Variants in DNAJB12 observed in about 807,000 individuals in gnomAD.
The protein encoded by DNAJB12 is DnaJ heat shock protein family (Hsp40) member B12.
In DNAJB12, 14 loss-of-function variants were observed where a neutral mutation model predicts 40.6. The observed-to-expected ratio is 0.34, with a 90% CI of 0.23 to 0.54. DNAJB12 has a LOEUF of 0.54. Among genes scored for constraint, DNAJB12 ranks in the 20% least tolerant of loss-of-function variants. The pLI is 0.92. For synonymous variants in DNAJB12, 181 were observed against 199.5 expected (o/e 0.91, Z 0.78); for missense variants, 444 against 501.7 (o/e 0.89, Z 1.10).
chr10:72,344,919 C>G, intron 2 of DNAJB12, 31 bp downstream of exon 2: 1 of 1,613,360 alleles, frequency 6.2e-7, no homozygotes, highest in Non-Finnish European at 8.5e-7. Context: ...CCCCAGTCTC[C>G]CCAGGCTCCA....
chr10:72,352,936 A>G (rs1443858985), intron 1 of DNAJB12, among the ~76,000 whole-genome samples: 1 of 152,142 alleles, frequency 6.6e-6, no homozygotes, highest in Non-Finnish European at 1.5e-5. Context: ...CCTGCCCTCT[A>G]TTTTTGAAGT....
At chr10:72,337,100 T>G (rs1861499159) in intron 6 of DNAJB12, among the ~76,000 whole-genome samples, 6 of 152,132 alleles carry the variant, frequency 3.9e-5, no homozygotes. Context: ...GTTAAGAGGC[T>G]TAGGAACAAA....
chr10:72,334,693 C>T (rs1861417684), intron 8 of DNAJB12, 76 bp from the exon 9 acceptor site: 3 of 1,481,710 alleles, frequency 2.0e-6, no homozygotes, highest in Admixed American at 5.0e-5. Context: ...ACACAAGTAG[C>T]CCCCCTTGCC....
chr10:72,352,107 T>G (rs1413878649), intron 1 of DNAJB12, among the ~76,000 whole-genome samples: 1 of 152,178 alleles, frequency 6.6e-6, no homozygotes, highest in East Asian at 1.9e-4. Flanking sequence ...GCCCTGAAGC[T>G]CTCTTCCCTC....
chr10:72,335,567 T>A lies in DNAJB12; in HGVS notation c.*30+213A>T. The stretch of plus-strand genomic sequence containing the variant: ...GGAGCCAGGGAGCAGAGCGGAGGAG[T>A]GGGGAGGACAGCATCGCTAGAGGGC... On this transcript the variant is annotated intron_variant, in intron 8 of 8. Coordinates refer to ENST00000444643, the MANE Select transcript of DNAJB12 (RefSeq NM_017626.7). This position sits in a 1 kb window ranked among gnomAD's most constrained non-coding sequence, Gnocchi z 4.4. The A allele has an allele frequency of 1.5e-6, 2 of 1,315,458 alleles. No individual in the cohort carries two copies. Among genetic ancestry groups the A allele is most frequent in the Non-Finnish European group, 1.9e-6 (2 of 1,026,694 alleles). The allele number at this position is 1,315,458 out of a possible 1,614,324, so 81.5% of individuals were successfully genotyped here. A position where few individuals can be genotyped will look rare whatever the true frequency, so the allele number is the denominator to read the frequency against.
At position 72,334,532 on chromosome 10, in the gene DNAJB12, GTTTC is replaced by G. The variant is rs1255368338; in HGVS notation, c.*112_*115del. 3.3e-6 allele frequency: 5 copies of G among 1,528,598 alleles called. No individual in the cohort carries two copies. The Admixed American group carries it at 5.9e-5, about 18-fold the overall frequency. 94.7% of individuals were successfully genotyped at this position (1,528,598 alleles called of 1,614,324 possible). On this transcript the variant is annotated 3_prime_UTR_variant, in exon 9 of 9. Coordinates refer to ENST00000444643, the MANE Select transcript of DNAJB12 (RefSeq NM_017626.7). ...CGGCCTCCAATTCCATTTTAATTTT[GTTTC>G]TTTGTTTGTCTTTCCTCAAATATAC...
rs1786335614 is a variant in DNAJB12 at position 72,345,120 on chromosome 10, A to C, written c.141T>G (p.Ile47Met). Residue 47 changes from isoleucine to methionine, a missense_variant, in exon 2 of 9, where the codon ATT (isoleucine) becomes ATG (methionine). By Grantham distance (10) the Ile-to-Met change is conservative. Coordinates refer to ENST00000444643, the MANE Select transcript of DNAJB12 (RefSeq NM_017626.7). ...TCTGTGGTTTCTGGTTGAGGGACTC[A>C]ATCAGGGCTGTGCAAGGCAAGGAAA... ...LYPTPRVRALIESLNQKPQTA... is the reference protein window; with the variant it reads ...LYPTPRVRALMESLNQKPQTA... 1.2e-6 allele frequency: 2 copies of C among 1,610,242 alleles called. No individual in the cohort carries two copies. The highest frequency in any genetic ancestry group is 1.3e-5 in the African/African-American group (1 of 74,862).
At position 72,335,686 on chromosome 10, in the gene DNAJB12, C is replaced by T. The variant is rs1861450873; in HGVS notation, c.*30+94G>A. The T allele has an allele frequency of 6.7e-7, 1 of 1,492,556 alleles. No individual in the cohort carries two copies. The highest frequency in any genetic ancestry group is 2.4e-4 in the Middle Eastern group (1 of 4,152). The allele number at this position is 1,492,556 out of a possible 1,614,324, so 92.5% of individuals were successfully genotyped here. A position where few individuals can be genotyped will look rare whatever the true frequency, so the allele number is the denominator to read the frequency against. ...GGGACAGGAGTCTTTGCCACAATCACCAGGCTTCCTCCCTTTCTCCCCCTC... is the reference window on the plus strand; with the variant it reads ...GGGACAGGAGTCTTTGCCACAATCATCAGGCTTCCTCCCTTTCTCCCCCTC... On this transcript the variant is annotated intron_variant, in intron 8 of 8. Coordinates refer to ENST00000444643, the MANE Select transcript of DNAJB12 (RefSeq NM_017626.7). This position sits in a 1 kb window ranked among gnomAD's most constrained non-coding sequence, Gnocchi z 4.4.
intron 5 of DNAJB12, among the ~76,000 whole-genome samples, chr10:72,340,346 T>TA (rs200742190): frequency 0.072 from 10,772 of 150,518 alleles, 782 homozygotes; most frequent in African/African-American, 0.19. Flanking sequence ...CCATCTCAAT[T>TA]AAAAAAAAAG....
intron 7 of DNAJB12, among the ~76,000 whole-genome samples, chr10:72,336,195 C>G (rs1861469037): frequency 6.6e-6 from 1 of 152,224 alleles, no homozygotes; most frequent in South Asian, 2.1e-4. Flanking sequence ...CAGGGTCCCA[C>G]AGACAGATCC....
chr10:72,350,397 T>TAA (rs1861904218), intron 1 of DNAJB12, among the ~76,000 whole-genome samples: 13 of 46,430 alleles, frequency 2.8e-4, no homozygotes, highest in African/African-American at 1.3e-3. Flanking sequence ...AGACCCTGTC[T>TAA]CAAAAAAAAA....
chr10:72,349,073 A>G (rs528312764), intron 1 of DNAJB12, among the ~76,000 whole-genome samples: 1 of 152,292 alleles, frequency 6.6e-6, no homozygotes, highest in Admixed American at 6.5e-5. Context: ...CAGGGATGCA[A>G]GCAAAAGCAT....
chr10:72,342,412 A>C (rs190510088), intron 3 of DNAJB12, among the ~76,000 whole-genome samples: 170 of 152,344 alleles, frequency 1.1e-3, no homozygotes, highest in Middle Eastern at 3.4e-3. Context: ...ATAGGCCTCA[A>C]GGCCAGAGCT....
At chr10:72,336,270 T>C (rs1380562148) in intron 7 of DNAJB12, among the ~76,000 whole-genome samples, 1 of 152,210 alleles carries the variant, frequency 6.6e-6, no homozygotes, top group African/African-American at 2.4e-5. Context: ...CACTCACCTC[T>C]GGCAGCCAAC....
intron 1 of DNAJB12, among the ~76,000 whole-genome samples, chr10:72,345,412 G>C (rs944449343): frequency 5.3e-5 from 8 of 152,004 alleles, no homozygotes; most frequent in African/African-American, 1.9e-4. Context: ...GACCAGCCTG[G>C]CCAATGTGGT....
chr10:72,335,334 C>T lies in DNAJB12; in HGVS notation c.*30+446G>A, dbSNP rs1304199307. 1.0e-6 allele frequency: 1 copy of T among 988,754 alleles called. No individual in the cohort carries two copies. The highest frequency in any genetic ancestry group is 1.2e-6 in the Non-Finnish European group (1 of 831,962). The allele number at this position is 988,754 out of a possible 1,614,324, so 61.2% of individuals were successfully genotyped here. Reference sequence around the variant, plus strand: ...CCCACCTATTCCCACATGGTTCTTCCTGGTATCAGGCAGGCAGTGTGCATA... The same window carrying T: ...CCCACCTATTCCCACATGGTTCTTCTTGGTATCAGGCAGGCAGTGTGCATA... On this transcript the variant is annotated intron_variant, in intron 8 of 8. Transcript: ENST00000444643. This position sits in a 1 kb window ranked among gnomAD's most constrained non-coding sequence, Gnocchi z 4.4.
chr10:72,346,961 GTT>G (rs1300875726), intron 1 of DNAJB12, among the ~76,000 whole-genome samples: 1 of 142,218 alleles, frequency 7.0e-6, no homozygotes. Context: ...TTTACCATTG[GTT>G]TTTTTTTTTT....
intron 2 of DNAJB12, 70 bp downstream of exon 2, chr10:72,344,880 A>G: frequency 6.4e-7 from 1 of 1,571,512 alleles, no homozygotes; most frequent in Non-Finnish European, 8.7e-7. Flanking sequence ...TGGGAGGTGG[A>G]GGACATGCTC....
At chr10:72,345,794 G>C (rs1861771291) in intron 1 of DNAJB12, among the ~76,000 whole-genome samples, 1 of 150,518 alleles carries the variant, frequency 6.6e-6, no homozygotes, top group Non-Finnish European at 1.5e-5. Flanking sequence ...CGAGAGACTT[G>C]AGAGGCTGAG....
Sources: allele counts gnomAD v4.1 joint callset (sites outside exome capture counted in the v4.1 genomes callset), GRCh38; gene constraint gnomAD v4.1.1; non-coding constraint Gnocchi (gnomAD v3.1); transcripts MANE v1.5; gene names NCBI Gene and HGNC (gene_info 2026-07-23, HGNC 2026-07-21).